The following CACNG5 variants were observed in gnomAD, a reference collection of about 807,000 sequenced individuals.
CACNG5 encodes the protein calcium voltage-gated channel auxiliary subunit gamma 5, also known as voltage-dependent calcium channel gamma-5 subunit.
CACNG5 carries 18 observed loss-of-function variants against 24.8 expected under a neutral mutation model. The ratio of observed to expected loss-of-function variants is 0.73; its 90% CI spans 0.50 to 1.08. The LOEUF is 1.08. Ranked by LOEUF, CACNG5 falls within the 50% of genes least tolerant of loss-of-function variation. The probability of loss-of-function intolerance (pLI) is 0.00; values close to 1 mark genes in which losing one functional copy is unlikely to be tolerated. For missense variants in CACNG5, 349 were observed against 367.9 expected (o/e 0.95, Z 0.42); for synonymous variants, 157 against 149.1 (o/e 1.05, Z -0.39).
In CACNG5 at chr17:66,885,457, C is replaced by T. The variant is rs76903082; in HGVS notation, c.*217C>T. ...TGGAGTCTGTGGGCAAGCTGATTGT[C>T]TGGGAACATGGGAGAAGCCCCGCCC... On this transcript the variant is annotated 3_prime_UTR_variant, in exon 6 of 6. Coordinates refer to ENST00000533854, the MANE Select transcript of CACNG5 (RefSeq NM_145811.3). 19,503 of 574,538 alleles carry T rather than the reference C, an allele frequency of 0.034. 424 individuals are homozygous for T. The highest frequency in any genetic ancestry group is 0.058 in the Middle Eastern group (127 of 2,196). The allele number at this position is 574,538 out of a possible 1,614,324, so 35.6% of individuals were successfully genotyped here. A position where few individuals can be genotyped will look rare whatever the true frequency, so the allele number is the denominator to read the frequency against.
At position 66,884,637 on chromosome 17, in the gene CACNG5, C is replaced by A; in HGVS notation, c.546C>A (p.Ala182=). ...AGTATGGGTGGTCGTTTGCCTTCGC[C>A]GCCATCTCCTTCCTTTTAACGGAGG... is the stretch of plus-strand genomic sequence containing the variant. ...NYKYGWSFAF[A]AISFLLTESA... The change falls in exon 5 of 6, where the codon GCC becomes GCA. Residue 182 remains alanine, a synonymous_variant. Coordinates refer to ENST00000533854, the MANE Select transcript of CACNG5 (RefSeq NM_145811.3). The A allele has an allele frequency of 6.2e-7, 1 of 1,614,190 alleles. No individual in the cohort carries two copies. Among genetic ancestry groups the A allele is most frequent in the Middle Eastern group, 1.6e-4 (1 of 6,062 alleles).
intron 4 of CACNG5, among the ~76,000 whole-genome samples, chr17:66,883,594 G>T (rs112748314): frequency 0.032 from 4,833 of 152,256 alleles, 277 homozygotes; most frequent in African/African-American, 0.11. Flanking sequence ...GTAGGAGGTT[G>T]GTCCCCCCGG....
chr17:66,862,500 T>C (rs1375808645), intron 1 of CACNG5, among the ~76,000 whole-genome samples: 5 of 152,064 alleles, frequency 3.3e-5, no homozygotes, highest in African/African-American at 9.7e-5. Context: ...CATAAACACA[T>C]ATATATAATA....
chr17:66,850,451 A>C (rs1976698396), intron 1 of CACNG5, among the ~76,000 whole-genome samples: 1 of 152,220 alleles, frequency 6.6e-6, no homozygotes, highest in South Asian at 2.1e-4. Context: ...AGAGAAAGCC[A>C]TCCCAGGGAG....
chr17:66,850,167 G>A (rs1976694554), intron 1 of CACNG5, among the ~76,000 whole-genome samples: 1 of 152,192 alleles, frequency 6.6e-6, no homozygotes, highest in Admixed American at 6.5e-5. Context: ...CCTGCATTCT[G>A]CAACCCTTCT....
intron 1 of CACNG5, among the ~76,000 whole-genome samples, chr17:66,850,239 T>A (rs1976695430): frequency 6.6e-6 from 1 of 152,196 alleles, no homozygotes; most frequent in African/African-American, 2.4e-5. Context: ...TGAAATGGAC[T>A]GGGGGAGGGG....
chr17:66,858,491 G>A (rs143452441), intron 1 of CACNG5, among the ~76,000 whole-genome samples: 12 of 152,068 alleles, frequency 7.9e-5, no homozygotes, highest in East Asian at 1.9e-4. Flanking sequence ...TCCCCCACCC[G>A]CCACGCTCTC....
intron 1 of CACNG5, among the ~76,000 whole-genome samples, chr17:66,853,536 T>A (rs1212314896): frequency 1.3e-5 from 2 of 152,218 alleles, no homozygotes; most frequent in Non-Finnish European, 2.9e-5. Flanking sequence ...ATTTTAGCCA[T>A]TCTAGTATGT....
intron 1 of CACNG5, among the ~76,000 whole-genome samples, chr17:66,862,892 C>CTCTCTGTGTGTGTGTGTGTG (rs567913804): frequency 3.9e-4 from 55 of 142,260 alleles, no homozygotes; most frequent in East Asian, 2.0e-3. Flanking sequence ...AGCATATTCT[C>CTCTCTGTGTGTGTGTGTGTG]TGTGTGTGTG....
intron 1 of CACNG5, among the ~76,000 whole-genome samples, chr17:66,843,229 C>T (rs1404546296): frequency 6.6e-6 from 1 of 152,100 alleles, no homozygotes; most frequent in Admixed American, 6.5e-5. Flanking sequence ...TGAACCTAGG[C>T]CCTTCTGATG....
intron 1 of CACNG5, among the ~76,000 whole-genome samples, chr17:66,873,248 C>T (rs1175691763): frequency 1.3e-5 from 2 of 152,156 alleles, no homozygotes; most frequent in Non-Finnish European, 2.9e-5. Context: ...AATAGGATTA[C>T]ATAATAGAAG....
chr17:66,835,986 G>C (rs1174963516), intron 1 of CACNG5, among the ~76,000 whole-genome samples: 2 of 152,224 alleles, frequency 1.3e-5, no homozygotes, highest in Non-Finnish European at 2.9e-5. Context: ...GATGCAGCTC[G>C]TTAAAAATGT....
rs1047596908 is a variant in CACNG5 at position 66,893,096 on chromosome 17, G to A, written c.*7856G>A. Among the ~76,000 whole-genome samples, 3 of 152,120 alleles carry A rather than the reference G, an allele frequency of 2.0e-5. No homozygotes were observed. Among genetic ancestry groups the A allele is most frequent in the Non-Finnish European group, 4.4e-5 (3 of 68,030 alleles). On this transcript the variant is annotated 3_prime_UTR_variant, in exon 6 of 6. Transcript: ENST00000533854. Reference sequence around the variant, plus strand: ...TTCCATCCTGTACGTAGAATACTGAGACCTAAAGAAGTTTAGGGACTTGCT... The same window carrying A: ...TTCCATCCTGTACGTAGAATACTGAAACCTAAAGAAGTTTAGGGACTTGCT...
chr17:66,838,451 A>C (rs1044472426), intron 1 of CACNG5, among the ~76,000 whole-genome samples: 1 of 151,422 alleles, frequency 6.6e-6, no homozygotes, highest in African/African-American at 2.4e-5. Flanking sequence ...GTCCCTGCTC[A>C]CGGCAGCCCA....
intron 1 of CACNG5, among the ~76,000 whole-genome samples, chr17:66,845,471 A>C (rs1031767211): frequency 6.6e-6 from 1 of 151,320 alleles, no homozygotes; most frequent in African/African-American, 2.4e-5. Flanking sequence ...TAAAAAAAAA[A>C]AACAAAAAAC....
chr17:66,884,146 A>G (rs1466396978), intron 4 of CACNG5, among the ~76,000 whole-genome samples: 5 of 151,788 alleles, frequency 3.3e-5, no homozygotes, highest in Admixed American at 2.6e-4. Flanking sequence ...AAAAGAAAAA[A>G]AAAAAAAAAA....
At chr17:66,872,397 G>T (rs1344027014) in intron 1 of CACNG5, among the ~76,000 whole-genome samples, 1 of 152,182 alleles carries the variant, frequency 6.6e-6, no homozygotes, top group East Asian at 1.9e-4. Context: ...GTTCAGACTA[G>T]GGTGTCTTCA....
rs141066200 is a variant in CACNG5 at position 66,858,758 on chromosome 17, G to A, written c.-103-18472G>A. 3.1e-4 allele frequency among the ~76,000 whole-genome samples: 46 copies of A among 150,278 alleles called. No homozygotes were observed. The East Asian group carries it at 8.9e-3, about 29-fold the overall frequency. ...AATCTCCCCCTGCATCCTGGCAGTG[G>A]TGTCCCTCCCCAGGCCTCTTATTCT... On this transcript the variant is annotated intron_variant, in intron 1 of 5. Coordinates refer to ENST00000533854, the MANE Select transcript of CACNG5 (RefSeq NM_145811.3).
chr17:66,885,595 C>G lies in CACNG5; in HGVS notation c.*355C>G, dbSNP rs867741874. 5.8e-5 allele frequency: 14 copies of G among 241,830 alleles called. No homozygotes were observed. The highest frequency in any genetic ancestry group is 1.4e-3 in the Middle Eastern group (1 of 734). 15.0% of individuals were successfully genotyped at this position (241,830 alleles called of 1,614,324 possible). ...TCCTGCACCCCCCAACTTCATGGCC[C>G]TGGGCCAGGGCCAGCTCTGAGATGC... On this transcript the variant is annotated 3_prime_UTR_variant, in exon 6 of 6. Transcript: ENST00000533854.
Sources: allele counts gnomAD v4.1 joint callset (sites outside exome capture counted in the v4.1 genomes callset), GRCh38; gene constraint gnomAD v4.1.1; transcripts MANE v1.5; gene names NCBI Gene and HGNC (gene_info 2026-07-23, HGNC 2026-07-21).